Variants in CDC42BPA observed in about 807,000 individuals in gnomAD.
CDC42BPA encodes CDC42 binding protein kinase alpha, also known as serine/threonine-protein kinase MRCK alpha.
A neutral mutation model predicts 223.5 loss-of-function variants in CDC42BPA; 80 were observed. That is an observed-to-expected ratio of 0.36 (90% CI 0.30 to 0.43). The LOEUF is 0.43. Among genes scored for constraint, CDC42BPA ranks in the 20% least tolerant of loss-of-function variants. CDC42BPA has a pLI of 1.00. For synonymous variants in CDC42BPA, 694 were observed against 718.6 expected (o/e 0.97, Z 0.55); for missense variants, 1,743 against 2,099.9 (o/e 0.83, Z 3.32).
At chr1:227,284,758 C>T (rs1463671751) in intron 1 of CDC42BPA, among the ~76,000 whole-genome samples, 8 of 151,956 alleles carry the variant, frequency 5.3e-5, no homozygotes, top group African/African-American at 1.5e-4. Flanking sequence ...CTCAGGACTT[C>T]GAGACCAGCC....
At chr1:227,028,101 C>T (rs1199616857) in intron 30 of CDC42BPA, among the ~76,000 whole-genome samples, 4 of 138,702 alleles carry the variant, frequency 2.9e-5, no homozygotes, top group African/African-American at 1.1e-4. Context: ...TCCTGGGTGA[C>T]AGAGCAAGAC....
chr1:227,147,229 T>C, intron 7 of CDC42BPA, 130 bp downstream of exon 7: 1 of 581,786 alleles, frequency 1.7e-6, no homozygotes, highest in Non-Finnish European at 2.9e-6. Flanking sequence ...ACTATTTATG[T>C]TGTCCTGTCC....
intron 1 of CDC42BPA, among the ~76,000 whole-genome samples, chr1:227,275,435 A>G (rs766683010): frequency 2.6e-5 from 4 of 152,116 alleles, no homozygotes; most frequent in Non-Finnish European, 5.9e-5. Flanking sequence ...GACAATACAG[A>G]TGAGAGTAGA....
chr1:227,165,624 TA>T (rs773159624), intron 5 of CDC42BPA, among the ~76,000 whole-genome samples: 1 of 152,088 alleles, frequency 6.6e-6, no homozygotes, highest in Non-Finnish European at 1.5e-5. Flanking sequence ...AAAATAGTGA[TA>T]AAAGTATAGT....
At chr1:227,315,990 T>C (rs1037578234) in intron 1 of CDC42BPA, among the ~76,000 whole-genome samples, 2 of 149,518 alleles carry the variant, frequency 1.3e-5, no homozygotes, top group Non-Finnish European at 3.0e-5. Context: ...AATCAGCACT[T>C]GACTTTTACT....
intron 24 of CDC42BPA, among the ~76,000 whole-genome samples, chr1:227,037,032 G>A (rs959851175): frequency 6.6e-6 from 1 of 152,198 alleles, no homozygotes; most frequent in Non-Finnish European, 1.5e-5. Context: ...AGGGAAGAGA[G>A]TCTGAGAAGA....
chr1:227,060,716 A>AGTTTTTTTTTTTTTTTTTT (rs1373925166), intron 21 of CDC42BPA, among the ~76,000 whole-genome samples: 1 of 126,526 alleles, frequency 7.9e-6, no homozygotes, highest in African/African-American at 3.0e-5. Context: ...GTAAATAGGT[A>AGTTTTTTTTTTTTTTTTTT]CTTTTTTTTT....
chr1:227,272,209 T>C (rs1318795884), intron 1 of CDC42BPA, among the ~76,000 whole-genome samples: 1 of 152,072 alleles, frequency 6.6e-6, no homozygotes, highest in African/African-American at 2.4e-5. Context: ...AAAAGAAATA[T>C]TAAGGTCCTT....
chr1:227,253,274 G>T (rs944774661), intron 2 of CDC42BPA, among the ~76,000 whole-genome samples: 3 of 152,172 alleles, frequency 2.0e-5, no homozygotes, highest in Admixed American at 6.5e-5. Context: ...GAGAGCGCGC[G>T]CGCGTGCGCG....
At chr1:227,264,929 G>T (rs2148404679) in intron 1 of CDC42BPA, 1 of 1,186,166 alleles carries the variant, frequency 8.4e-7, no homozygotes, top group Non-Finnish European at 1.3e-6. Flanking sequence ...ACCCCACTCG[G>T]TATATTCATG....
At chr1:227,313,862 CTA>C (rs1420851086) in intron 1 of CDC42BPA, among the ~76,000 whole-genome samples, 33 of 151,990 alleles carry the variant, frequency 2.2e-4, no homozygotes, top group African/African-American at 8.0e-4. Flanking sequence ...AGACTATTTT[CTA>C]TGTATATACA....
At chr1:227,153,615 T>C (rs1472510315) in intron 6 of CDC42BPA, among the ~76,000 whole-genome samples, 2 of 151,940 alleles carry the variant, frequency 1.3e-5, no homozygotes, top group East Asian at 1.9e-4. Context: ...AACTACTTTA[T>C]GGCAATACAA....
chr1:227,235,979 G>A (rs1678937595), intron 2 of CDC42BPA, among the ~76,000 whole-genome samples: 1 of 152,164 alleles, frequency 6.6e-6, no homozygotes, highest in African/African-American at 2.4e-5. Context: ...AATGAAGAAA[G>A]CCACTTTCTC....
At chr1:227,000,949 G>T (rs1010528250) in intron 35 of CDC42BPA, among the ~76,000 whole-genome samples, 12 of 152,152 alleles carry the variant, frequency 7.9e-5, no homozygotes, top group Non-Finnish European at 1.6e-4. Context: ...TGACTCTGGG[G>T]ACTGGGCCCT....
At chr1:227,106,300 T>C (rs1277300363) in intron 14 of CDC42BPA, among the ~76,000 whole-genome samples, 3 of 152,174 alleles carry the variant, frequency 2.0e-5, no homozygotes, top group Non-Finnish European at 2.9e-5. Flanking sequence ...TGTCTTTCTG[T>C]TGTTGAGCTG....
intron 1 of CDC42BPA, among the ~76,000 whole-genome samples, chr1:227,295,280 C>A (rs1690474143): frequency 6.6e-6 from 1 of 152,128 alleles, no homozygotes; most frequent in African/African-American, 2.4e-5. Flanking sequence ...CCCACCTTAG[C>A]CTCCAGAGCA....
intron 21 of CDC42BPA, 137 bp from the exon 22 acceptor site, chr1:227,052,122 T>G: frequency 2.3e-6 from 1 of 427,102 alleles, no homozygotes; most frequent in Non-Finnish European, 4.7e-6. Flanking sequence ...GTTTGAATAT[T>G]CACGTTAGGG....
rs1490330169 is a variant in CDC42BPA at position 227,000,498 on chromosome 1, AC to A, written c.4975+4495del. 5.3e-5 allele frequency among the ~76,000 whole-genome samples: 8 copies of A among 152,316 alleles called. 1 individual carries two copies. In the East Asian group the frequency reaches 1.5e-3, roughly 29 times the overall value. The stretch of plus-strand genomic sequence containing the variant: ...CACTGCTCTGCTTACTAATGGTGTG[AC>A]CTTAAGCAAGTTATTTTACCTTCCT... On this transcript the variant is annotated intron_variant, in intron 35 of 36. Coordinates refer to ENST00000366766, the MANE Select transcript of CDC42BPA (RefSeq NM_001394014.1).
intron 3 of CDC42BPA, among the ~76,000 whole-genome samples, chr1:227,207,582 T>C (rs1673022457): frequency 6.8e-6 from 1 of 146,186 alleles, no homozygotes; most frequent in African/African-American, 2.5e-5. Context: ...GATCTCACTG[T>C]TCAAGTCCCA....
Sources: allele counts gnomAD v4.1 joint callset (sites outside exome capture counted in the v4.1 genomes callset), GRCh38; gene constraint gnomAD v4.1.1; transcripts MANE v1.5; gene names NCBI Gene and HGNC (gene_info 2026-07-23, HGNC 2026-07-21).